Variants in SHISA6 observed in about 807,000 individuals in gnomAD.
SHISA6 encodes shisa family member 6.
SHISA6 carries 22 observed loss-of-function variants against 47.9 expected under a neutral mutation model. That is an observed-to-expected ratio of 0.46 (90% CI 0.33 to 0.66). The LOEUF (loss-of-function observed/expected upper bound fraction) is 0.66, where lower values mean the gene tolerates loss of function less well. Ranked by LOEUF, SHISA6 falls within the 30% of genes least tolerant of loss-of-function variation. SHISA6 has a pLI of 0.02. For missense variants in SHISA6, 680 were observed against 764.6 expected (o/e 0.89, Z 1.30); for synonymous variants, 388 against 337.8 (o/e 1.15, Z -1.63).
rs113330843 is a variant in SHISA6, at chr17:11,316,551, A to G, written c.799+53025A>G. Among the ~76,000 whole-genome samples, 628 of 150,852 alleles carry G rather than the reference A, an allele frequency of 4.2e-3. 3 individuals carry two copies. The highest frequency in any genetic ancestry group is 5.7e-3 in the Non-Finnish European group (387 of 67,704). The stretch of plus-strand genomic sequence containing the variant: ...TTCTCCTGCCTCAGCCTCCCAAGTA[A>G]TGGGGATTACAGGTGCGTGCCACCA... On this transcript the variant is annotated intron_variant, in intron 2 of 5. Transcript: ENST00000441885.
chr17:11,440,895 G>A (rs76028363), intron 3 of SHISA6, among the ~76,000 whole-genome samples: 1 of 151,878 alleles, frequency 6.6e-6, no homozygotes, highest in Non-Finnish European at 1.5e-5. Context: ...GGAGAGAGGA[G>A]GTGGGATAAA....
intron 3 of SHISA6, among the ~76,000 whole-genome samples, chr17:11,423,326 TATAGATAGATAG>T (rs57338481): frequency 0.58 from 82,234 of 142,448 alleles, 23,657 homozygotes; most frequent in Admixed American, 0.6. Flanking sequence ...GTAACATATA[TATAGATAGATAG>T]ATAGATAGAT....
chr17:11,450,048 T>C (rs3095677), intron 3 of SHISA6, among the ~76,000 whole-genome samples: 150,444 of 152,230 alleles, frequency 0.99, 74,341 homozygotes, highest in East Asian at 1. Flanking sequence ...CCACGCCTGG[T>C]TAATTTTTTT....
chr17:11,459,047 TA>T (rs59949072), intron 3 of SHISA6, among the ~76,000 whole-genome samples: 43,988 of 145,194 alleles, frequency 0.3, 6,616 homozygotes, highest in Middle Eastern at 0.44. Flanking sequence ...CCGTCTCTAC[TA>T]AAAAAAAAAA....
chr17:11,497,072 C>G (rs75962094), intron 3 of SHISA6, among the ~76,000 whole-genome samples: 1 of 152,168 alleles, frequency 6.6e-6, no homozygotes, highest in Non-Finnish European at 1.5e-5. Context: ...TGGGGGGACC[C>G]CCAGAACCAT....
At chr17:11,380,995 A>G (rs1912987621) in intron 3 of SHISA6, among the ~76,000 whole-genome samples, 1 of 152,180 alleles carries the variant, frequency 6.6e-6, no homozygotes, top group South Asian at 2.1e-4. Context: ...GACCAATCCT[A>G]TCAGTTGCAC....
At chr17:11,356,156 A>G (rs1219203049) in intron 2 of SHISA6, among the ~76,000 whole-genome samples, 2 of 152,238 alleles carry the variant, frequency 1.3e-5, no homozygotes, top group Non-Finnish European at 2.9e-5. Flanking sequence ...GCATTGTAGA[A>G]TTAGCTTAAT....
chr17:11,391,631 G>A (rs79375644), intron 3 of SHISA6, among the ~76,000 whole-genome samples: 5,522 of 152,240 alleles, frequency 0.036, 185 homozygotes, highest in Admixed American at 0.088. Context: ...CTGCAGAGCT[G>A]AAGGGAGTTG....
chr17:11,378,313 G>A (rs761967933), intron 2 of SHISA6, among the ~76,000 whole-genome samples: 5 of 151,840 alleles, frequency 3.3e-5, no homozygotes, highest in Non-Finnish European at 7.4e-5. Flanking sequence ...ATATGTTTGT[G>A]TGCTTTTTTT....
rs116132724 is a variant in SHISA6, at chr17:11,482,229, G to A, written c.896-69667G>A. On this transcript the variant is annotated intron_variant, in intron 3 of 5. Coordinates refer to ENST00000441885, the MANE Select transcript of SHISA6 (RefSeq NM_207386.4). ...GTAACCAACACAAAGAAATATATTG[G>A]TGATGTTTGTTTTAATTTCAGAATA... Among the ~76,000 whole-genome samples the A allele has an allele frequency of 3.9e-3, 588 of 152,286 alleles. 4 individuals are homozygous for A. The highest frequency in any genetic ancestry group is 0.013 in the African/African-American group (553 of 41,568).
At chr17:11,546,753 CT>C (rs757299245) in intron 3 of SHISA6, among the ~76,000 whole-genome samples, 7 of 152,144 alleles carry the variant, frequency 4.6e-5, no homozygotes. Flanking sequence ...AACCATGTCT[CT>C]GCTAAAAATA....
At chr17:11,436,856 T>C (rs373051238) in intron 3 of SHISA6, among the ~76,000 whole-genome samples, 3 of 152,236 alleles carry the variant, frequency 2.0e-5, no homozygotes, top group African/African-American at 7.2e-5. Flanking sequence ...GTGATACCCT[T>C]ATTGGAAATG....
rs776713872 is a variant in SHISA6 at position 11,558,107 on chromosome 17, C to T, written c.1459C>T (p.Leu487=). ...GGACGTCTTTGTGTCCACACCCGTG[C>T]TGGACCGCTACCGCATGAGCAAGAT... is the stretch of plus-strand genomic sequence containing the variant. ...HTDVFVSTPV[L]DRYRMSKMHS... is the part of the protein sequence containing the mutation. Residue 487 remains leucine (L), a synonymous_variant, in exon 6 of 6, where the codon CTG becomes TTG. Coordinates refer to ENST00000441885, the MANE Select transcript of SHISA6 (RefSeq NM_207386.4). The T allele has an allele frequency of 3.9e-6, 6 of 1,551,418 alleles. No homozygotes were observed. The South Asian group carries it at 5.9e-5, about 15-fold the overall frequency.
At chr17:11,327,848 G>A (rs1194764345) in intron 2 of SHISA6, among the ~76,000 whole-genome samples, 2 of 151,944 alleles carry the variant, frequency 1.3e-5, no homozygotes, top group African/African-American at 4.8e-5. Flanking sequence ...GAAGGAAAGA[G>A]GTTTAAACTG....
chr17:11,554,191 C>A (rs893496201), intron 4 of SHISA6, among the ~76,000 whole-genome samples: 2 of 152,296 alleles, frequency 1.3e-5, no homozygotes, highest in Non-Finnish European at 1.5e-5. Context: ...ATTACTCCCT[C>A]TGAGGAGCAG....
Position 11,555,885 on chromosome 17 carries a change from G to A in SHISA6, c.1098G>A (p.Lys366=). Residue 366 remains lysine (K), a synonymous_variant, in exon 5 of 6, where the codon AAG becomes AAA. Coordinates refer to ENST00000441885, the MANE Select transcript of SHISA6 (RefSeq NM_207386.4). ...ACCCCAGCAAGTATTCATCTCTGAA[G>A]AGGCTAAGTAAGTTGAATTTCCCCC... ...KTNPSKYSSL[K]RLTDKEADEY... 3 of 1,538,932 alleles carry A rather than the reference G, an allele frequency of 1.9e-6. No homozygotes were observed. The highest frequency in any genetic ancestry group is 2.6e-6 in the Non-Finnish European group (3 of 1,141,646).
chr17:11,438,572 C>T (rs1245640150), intron 3 of SHISA6, among the ~76,000 whole-genome samples: 1 of 152,152 alleles, frequency 6.6e-6, no homozygotes, highest in East Asian at 1.9e-4. Flanking sequence ...AAAGAGAGCA[C>T]ACCAGCTCTG....
At chr17:11,274,245 CT>C (rs1908792185) in intron 2 of SHISA6, among the ~76,000 whole-genome samples, 1 of 152,180 alleles carries the variant, frequency 6.6e-6, no homozygotes, top group South Asian at 2.1e-4. Context: ...AACCACGGAG[CT>C]GGCTCACTAA....
At chr17:11,413,181 C>A (rs1282937398) in intron 3 of SHISA6, among the ~76,000 whole-genome samples, 1 of 152,194 alleles carries the variant, frequency 6.6e-6, no homozygotes, top group African/African-American at 2.4e-5. Context: ...ACACTATCTC[C>A]TTCCGGCATG....
Sources: allele counts gnomAD v4.1 joint callset (sites outside exome capture counted in the v4.1 genomes callset), GRCh38; gene constraint gnomAD v4.1.1; transcripts MANE v1.5; gene names NCBI Gene and HGNC (gene_info 2026-07-23, HGNC 2026-07-21).